Variants in TAF8 observed in about 807,000 individuals in gnomAD.
The protein encoded by TAF8 is TATA-box binding protein associated factor 8.
A neutral mutation model predicts 36.5 loss-of-function variants in TAF8; 47 were observed. That is an observed-to-expected ratio of 1.29 (90% CI 1.02 to 1.64). The LOEUF (loss-of-function observed/expected upper bound fraction) is 1.64, where lower values mean the gene tolerates loss of function less well. Ranked by LOEUF, TAF8 falls within the 40% of genes most tolerant of loss-of-function variation. The probability of loss-of-function intolerance (pLI) is 0.00; values close to 1 mark genes in which losing one functional copy is unlikely to be tolerated. For synonymous variants in TAF8, 175 were observed against 159.5 expected (o/e 1.10, Z -0.73); for missense variants, 420 against 407.6 (o/e 1.03, Z -0.26).
downstream of TAF8, among the ~76,000 whole-genome samples, chr6:42,083,799 A>G (rs1346992923): frequency 6.6e-6 from 1 of 152,130 alleles, no homozygotes; most frequent in African/African-American, 2.4e-5. Context: ...TTACCAAGAC[A>G]AGCAAAGGAA....
chr6:42,055,783 A>T (rs9471746), intron 3 of TAF8, among the ~76,000 whole-genome samples, 154 bp downstream of exon 3: 1 of 152,126 alleles, frequency 6.6e-6, no homozygotes, highest in East Asian at 1.9e-4. Flanking sequence ...CTCTGAACAC[A>T]TCTAAGAGGC....
At chr6:42,087,003 T>C (rs1192826961), downstream of TAF8, 5 of 573,102 alleles carry the variant, frequency 8.7e-6, no homozygotes, top group African/African-American at 1.9e-5. Context: ...TGCCGTGCCC[T>C]CTGAAATACT....
In TAF8 at chr6:42,079,731, T is replaced by TC. The variant is rs1443714443; in HGVS notation, c.*2186_*2187insC. On this transcript the variant is annotated 3_prime_UTR_variant, in exon 9 of 9. Coordinates refer to ENST00000372977, the MANE Select transcript of TAF8 (RefSeq NM_138572.3). ...ATCTGGCTAATTTTTTTTTTTTTTT[T>TC]TTAGTAGACACGGGATTTTGCTATG... The TC allele has an allele frequency of 7.4e-6, 5 of 679,906 alleles. No individual in the cohort carries two copies. Among genetic ancestry groups the TC allele is most frequent in the Non-Finnish European group, 9.1e-6 (5 of 551,734 alleles). 42.1% of individuals were successfully genotyped at this position (679,906 alleles called of 1,614,324 possible).
In TAF8 at chr6:42,066,344, C is replaced by T. The variant is rs781202968; in HGVS notation, c.522C>T (p.Val174=). 2.5e-6 allele frequency: 4 copies of T among 1,614,142 alleles called. No individual in the cohort carries two copies. The highest frequency in any genetic ancestry group is 1.7e-4 in the Middle Eastern group (1 of 6,060). ...GTGAGCCCGTGTCAGACTACCAGGT[C>T]CTGCGGGAGAAGGCTGCATCCCAGA... ...TYREPVSDYQ[V]LREKAASQRR... The change falls in exon 6 of 9, where the codon GTC becomes GTT. Residue 174 remains valine (V), a synonymous_variant. Coordinates refer to ENST00000372977, the MANE Select transcript of TAF8 (RefSeq NM_138572.3).
Position 42,054,435 on chromosome 6 carries a change from T to C in TAF8, c.203-1096T>C, listed in dbSNP as rs542948417. On this transcript the variant is annotated intron_variant, in intron 2 of 8. Transcript: ENST00000372977. ...CCATTTACATTATTTCCAGAACTTT[T>C]TCATCATTCTAAACAGAAACTCTGT... Among the ~76,000 whole-genome samples, 4 of 152,248 alleles carry C rather than the reference T, an allele frequency of 2.6e-5. No individual in the cohort carries two copies. In the East Asian group the frequency reaches 7.7e-4, roughly 29 times the overall value.
At position 42,080,445 on chromosome 6, in the gene TAF8, T is replaced by C; in HGVS notation, c.*2900T>C. 1 of 789,546 alleles carries C rather than the reference T, an allele frequency of 1.3e-6. No homozygotes were observed. The highest frequency in any genetic ancestry group is 5.8e-5 in the South Asian group (1 of 17,388). 48.9% of individuals were successfully genotyped at this position (789,546 alleles called of 1,614,324 possible). A position where few individuals can be genotyped will look rare whatever the true frequency, so the allele number is the denominator to read the frequency against. On this transcript the variant is annotated 3_prime_UTR_variant, in exon 9 of 9. Transcript: ENST00000372977. ...TGGAGTGCAATGGCGTGATCTCGGC[T>C]CACTGCAACCTCCACCTCCTGGGTT...
chr6:42,058,251 G>C (rs1765074693), intron 5 of TAF8, among the ~76,000 whole-genome samples: 1 of 152,110 alleles, frequency 6.6e-6, no homozygotes, highest in South Asian at 2.1e-4. Flanking sequence ...GTGCGTGGTG[G>C]CACATACCTG....
intron 5 of TAF8, among the ~76,000 whole-genome samples, chr6:42,065,682 C>T (rs925684977): frequency 5.3e-5 from 8 of 152,188 alleles, no homozygotes; most frequent in Admixed American, 1.3e-4. Context: ...TGGGGGCACT[C>T]CCACTCTTTC....
At chr6:42,055,035 T>C (rs1582214695) in intron 2 of TAF8, among the ~76,000 whole-genome samples, 1 of 152,132 alleles carries the variant, frequency 6.6e-6, no homozygotes, top group South Asian at 2.1e-4. Context: ...GTTCAAGCTA[T>C]TTCTCAGCCT....
chr6:42,066,174 T>C lies in TAF8; in HGVS notation c.490-138T>C, dbSNP rs537858123. The C allele has an allele frequency of 5.7e-6, 6 of 1,050,892 alleles. No homozygotes were observed. The African/African-American group carries it at 9.5e-5, about 17-fold the overall frequency. 65.1% of individuals were successfully genotyped at this position (1,050,892 alleles called of 1,614,324 possible). A position where few individuals can be genotyped will look rare whatever the true frequency, so the allele number is the denominator to read the frequency against. On this transcript the variant is annotated intron_variant, in intron 5 of 8. Transcript: ENST00000372977. ...CCTTGGCCTCCCAAAGTGCTGGGATTACAGGTGTGAGCCACTGTGCCTGGC... is the reference window on the plus strand; with the variant it reads ...CCTTGGCCTCCCAAAGTGCTGGGATCACAGGTGTGAGCCACTGTGCCTGGC...
intron 7 of TAF8, among the ~76,000 whole-genome samples, chr6:42,070,814 G>A (rs1582238226): frequency 6.6e-6 from 1 of 152,210 alleles, no homozygotes; most frequent in East Asian, 1.9e-4. Context: ...AAAAGTCTGG[G>A]AATGATGTCA....
In TAF8 at chr6:42,056,026, T is replaced by A; in HGVS notation, c.364+12T>A. On this transcript the variant is annotated intron_variant, in intron 4 of 8. Coordinates refer to ENST00000372977, the MANE Select transcript of TAF8 (RefSeq NM_138572.3). ...GGTCATCACTGCTCGTAAGTGACTT[T>A]GAACTGAGGTACTTAGCAATTTTTC... 6.3e-7 allele frequency: 1 copy of A among 1,583,092 alleles called. No individual in the cohort carries two copies. Among genetic ancestry groups the A allele is most frequent in the Non-Finnish European group, 8.7e-7 (1 of 1,151,708 alleles).
chr6:42,087,402 A>G (rs201456978), downstream of TAF8: 1 of 68,166 alleles, frequency 1.5e-5, no homozygotes, highest in East Asian at 6.3e-4. Flanking sequence ...ATTAACTCAT[A>G]TAATAAATGG....
At position 42,077,582 on chromosome 6, in the gene TAF8, T is replaced by C; in HGVS notation, c.*37T>C. ...AACCTGGCTTGTACAGGGGCGCAGA[T>C]TCCACCCTCCCGGGGAGTTAAAGCC... On this transcript the variant is annotated 3_prime_UTR_variant, in exon 9 of 9. Coordinates refer to ENST00000372977, the MANE Select transcript of TAF8 (RefSeq NM_138572.3). 3.7e-6 allele frequency: 6 copies of C among 1,610,824 alleles called. No individual in the cohort carries two copies. Among genetic ancestry groups the C allele is most frequent in the Non-Finnish European group, 4.2e-6 (5 of 1,178,636 alleles).
Position 42,066,512 on chromosome 6 carries a change from T to C in TAF8, c.637+53T>C, listed in dbSNP as rs1420435322. 3 of 1,589,714 alleles carry C rather than the reference T, an allele frequency of 1.9e-6. No individual in the cohort carries two copies. The African/African-American group carries it at 4.0e-5, about 21-fold the overall frequency. On this transcript the variant is annotated intron_variant, in intron 6 of 8. Coordinates refer to ENST00000372977, the MANE Select transcript of TAF8 (RefSeq NM_138572.3). ...TGTCTTATTTGAAACACTCACATTA[T>C]CTTTTCTTTCTCTCAGCATGGTAGG...
At chr6:42,067,559 C>T (rs780861653) in intron 6 of TAF8, among the ~76,000 whole-genome samples, 2 of 151,676 alleles carry the variant, frequency 1.3e-5, no homozygotes, top group Admixed American at 6.6e-5. Context: ...CATAGAAGTA[C>T]ACACAGAGAC....
chr6:42,077,177 G>A lies in TAF8; in HGVS notation c.858G>A (p.Glu286=). The stretch of plus-strand genomic sequence containing the variant: ...CCTTGTCGGGTAGCCGGAATGGGGA[G>A]GAGAACATCATCGATAACCCTTATC... ...NPSLSGSRNG[E]ENIIDNPYLR... is the part of the protein sequence containing the mutation. Residue 286 remains glutamate, a synonymous_variant, in exon 8 of 9, where the codon GAG becomes GAA. Transcript: ENST00000372977. The A allele has an allele frequency of 1.2e-6, 2 of 1,614,174 alleles. No individual in the cohort carries two copies. The highest frequency in any genetic ancestry group is 2.2e-5 in the South Asian group (2 of 91,080).
At position 42,068,640 on chromosome 6, in the gene TAF8, C is replaced by T. The variant is rs201238580; in HGVS notation, c.780+33C>T. On this transcript the variant is annotated intron_variant, in intron 7 of 8. Transcript: ENST00000372977. ...CCACCTTCTGCCTACCTCAGAGTAT[C>T]CCCCAAACTGTCGCACACTGCCCTC... The T allele has an allele frequency of 2.0e-4, 315 of 1,607,236 alleles. 1 individual carries two copies. The African/African-American group carries it at 3.8e-3, about 20-fold the overall frequency.
At chr6:42,077,327 G>C (rs557652849) in intron 8 of TAF8, 88 bp downstream of exon 8, 2 of 1,519,000 alleles carry the variant, frequency 1.3e-6, no homozygotes, top group African/African-American at 2.8e-5. Flanking sequence ...TCAGTGGGGC[G>C]GAGCCTTGGG....
Sources: allele counts gnomAD v4.1 joint callset (sites outside exome capture counted in the v4.1 genomes callset), GRCh38; gene constraint gnomAD v4.1.1; transcripts MANE v1.5; gene names NCBI Gene and HGNC (gene_info 2026-07-23, HGNC 2026-07-21).